The following KCNJ6 variants were observed in gnomAD, a reference collection of about 807,000 sequenced individuals.
KCNJ6 encodes G protein-activated inward rectifier potassium channel 2.
A neutral mutation model predicts 34.2 loss-of-function variants in KCNJ6; 9 were observed. The ratio of observed to expected loss-of-function variants is 0.26; its 90% confidence interval spans 0.16 to 0.46. The LOEUF is 0.46. Ranked by LOEUF, KCNJ6 falls within the 20% of genes least tolerant of loss-of-function variation. KCNJ6 has a pLI of 1.00. For missense variants in KCNJ6, 236 were observed against 531.3 expected, an observed-to-expected ratio of 0.44 and a Z score of 5.46; for synonymous variants, 196 against 207.1, an observed-to-expected ratio of 0.95 and a Z score of 0.46.
chr21:37,839,342 A>G (rs2055467529), intron 2 of KCNJ6, among the ~76,000 whole-genome samples: 1 of 152,188 alleles, frequency 6.6e-6, no homozygotes, highest in Admixed American at 6.5e-5. Context: ...TCCTTTCATC[A>G]CAGTGAAATT....
chr21:37,884,818 C>A (rs1197368298), intron 1 of KCNJ6, among the ~76,000 whole-genome samples: 2 of 152,152 alleles, frequency 1.3e-5, no homozygotes, highest in South Asian at 4.1e-4. Flanking sequence ...CCAAGCTAGG[C>A]TACTTATGGG....
intron 2 of KCNJ6, among the ~76,000 whole-genome samples, chr21:37,718,174 G>C (rs996651616): frequency 1.3e-5 from 2 of 152,220 alleles, no homozygotes; most frequent in Non-Finnish European, 2.9e-5. Flanking sequence ...AACAGTGGAT[G>C]TGTCCCCTCC....
chr21:37,706,949 G>A (rs1612526), intron 3 of KCNJ6, among the ~76,000 whole-genome samples: 152,368 of 152,368 alleles, frequency 1, 76,184 homozygotes, highest in Non-Finnish European at 1. Context: ...TTCTCACTGA[G>A]CAGTTGCCTC....
At chr21:37,647,908 T>C (rs1158562837) in intron 3 of KCNJ6, among the ~76,000 whole-genome samples, 4 of 152,332 alleles carry the variant, frequency 2.6e-5, no homozygotes, top group South Asian at 2.1e-4. Flanking sequence ...TTGGTTTATG[T>C]TGATATTGCG....
rs2054309342 is a variant in KCNJ6, at chr21:37,626,063, C to A, written c.947-579G>T. ...GTCACCCACCTGAATTTGCACTTTA[C>A]TTAGGCCCAGTGGTCATAGTTGCTC... is the stretch of plus-strand genomic sequence containing the variant. On this transcript the variant is annotated intron_variant, in intron 3 of 3. Coordinates refer to ENST00000609713, the MANE Select transcript of KCNJ6 (RefSeq NM_002240.5). 2.0e-5 allele frequency among the ~76,000 whole-genome samples: 3 copies of A among 152,206 alleles called. No individual in the cohort carries two copies. The South Asian group carries it at 6.2e-4, about 32-fold the overall frequency.
intron 1 of KCNJ6, among the ~76,000 whole-genome samples, chr21:37,883,443 A>C (rs1437668814): frequency 6.6e-6 from 1 of 152,096 alleles, no homozygotes; most frequent in African/African-American, 2.4e-5. Flanking sequence ...CCCCTGCCTA[A>C]ATGAATGAGT....
chr21:37,854,182 T>TA (rs1043105521), intron 1 of KCNJ6, among the ~76,000 whole-genome samples: 6 of 151,194 alleles, frequency 4.0e-5, no homozygotes, highest in South Asian at 2.1e-4. Context: ...TACATATCAT[T>TA]AAAAAAAACT....
At chr21:37,890,590 C>T (rs956818221) in intron 1 of KCNJ6, among the ~76,000 whole-genome samples, 3 of 152,200 alleles carry the variant, frequency 2.0e-5, no homozygotes, top group African/African-American at 7.2e-5. Flanking sequence ...CATGTCTGTA[C>T]AGCAAACCCA....
intron 2 of KCNJ6, among the ~76,000 whole-genome samples, chr21:37,749,675 T>C (rs1263175839): frequency 1.3e-5 from 2 of 152,302 alleles, no homozygotes; most frequent in Middle Eastern, 3.4e-3. Context: ...AGGAAAGTTA[T>C]GTTTGGGGTC....
At chr21:37,855,004 C>T (rs2055557557) in intron 1 of KCNJ6, among the ~76,000 whole-genome samples, 1 of 152,186 alleles carries the variant, frequency 6.6e-6, no homozygotes, top group South Asian at 2.1e-4. Context: ...CATCAACCAA[C>T]AGGATCAAAT....
At chr21:37,667,511 G>A (rs1301642065) in intron 3 of KCNJ6, among the ~76,000 whole-genome samples, 1 of 151,922 alleles carries the variant, frequency 6.6e-6, no homozygotes, top group African/African-American at 2.4e-5. Flanking sequence ...AGGACGCTGG[G>A]GTAGTGGGCG....
At chr21:37,756,500 A>G (rs1215535743) in intron 2 of KCNJ6, among the ~76,000 whole-genome samples, 2 of 152,222 alleles carry the variant, frequency 1.3e-5, no homozygotes, top group South Asian at 4.1e-4. Context: ...TCTCCCCGCT[A>G]TGCTGGTCTC....
At chr21:37,912,333 T>G (rs561840280) in intron 1 of KCNJ6, among the ~76,000 whole-genome samples, 1 of 152,344 alleles carries the variant, frequency 6.6e-6, no homozygotes, top group East Asian at 1.9e-4. Context: ...AAGTCATAGT[T>G]CGGTGAATAA....
At chr21:37,694,617 A>C (rs1029653006) in intron 3 of KCNJ6, among the ~76,000 whole-genome samples, 1 of 152,182 alleles carries the variant, frequency 6.6e-6, no homozygotes, top group East Asian at 1.9e-4. Context: ...ACTTTTAGTG[A>C]TGATGAAAAC....
intron 3 of KCNJ6, among the ~76,000 whole-genome samples, chr21:37,662,369 C>T (rs1432609350): frequency 6.6e-6 from 1 of 152,098 alleles, no homozygotes. Flanking sequence ...TTTTCTGTTC[C>T]TGTGTTGGTT....
At chr21:37,770,065 TA>T (rs1208995915) in intron 2 of KCNJ6, among the ~76,000 whole-genome samples, 1 of 152,196 alleles carries the variant, frequency 6.6e-6, no homozygotes, top group Non-Finnish European at 1.5e-5. Flanking sequence ...CACAGGTGGA[TA>T]AAAACAGAGA....
chr21:37,717,610 C>T (rs2054800212), intron 2 of KCNJ6, among the ~76,000 whole-genome samples: 1 of 152,230 alleles, frequency 6.6e-6, no homozygotes, highest in African/African-American at 2.4e-5. Flanking sequence ...GTGGAAGTCT[C>T]TAAATATGAC....
At chr21:37,882,835 G>GT (rs2055716255) in intron 1 of KCNJ6, among the ~76,000 whole-genome samples, 1 of 152,250 alleles carries the variant, frequency 6.6e-6, no homozygotes, top group African/African-American at 2.4e-5. Flanking sequence ...TGCATGGAAT[G>GT]TTTCATAGGA....
chr21:37,632,539 C>G (rs556526147), intron 3 of KCNJ6, among the ~76,000 whole-genome samples: 5 of 152,086 alleles, frequency 3.3e-5, no homozygotes, highest in African/African-American at 1.2e-4. Context: ...AAATATAAAA[C>G]AAGTCAACCA....
Sources: gnomAD v4.1 joint callset for allele counts (sites outside exome capture counted in the v4.1 genomes callset) on GRCh38, gnomAD v4.1.1 for gene constraint, MANE v1.5 for transcripts, NCBI Gene and HGNC (gene_info 2026-07-23, HGNC 2026-07-21) for gene names.